TOP1: variants seen among roughly 807,000 people sequenced by gnomAD.
The protein encoded by TOP1 is DNA topoisomerase 1.
A neutral mutation model predicts 111.1 loss-of-function variants in TOP1; 10 were observed. That is an observed-to-expected ratio of 0.09 (90% CI 0.06 to 0.15). The LOEUF (loss-of-function observed/expected upper bound fraction) is 0.15, where lower values mean the gene tolerates loss of function less well. Among genes scored for constraint, TOP1 ranks in the 10% least tolerant of loss-of-function variants. The pLI is 1.00. For synonymous variants in TOP1, 271 were observed against 302.9 expected (o/e 0.89, Z 1.10); for missense variants, 474 against 926.7 (o/e 0.51, Z 6.34).
chr20:41,063,415 C>G (rs568043258), intron 3 of TOP1, among the ~76,000 whole-genome samples: 1 of 152,252 alleles, frequency 6.6e-6, no homozygotes, highest in East Asian at 1.9e-4. Context: ...GTACATGTGT[C>G]TTTTTAGTAA....
At chr20:41,089,767 G>A (rs529205438) in intron 8 of TOP1, among the ~76,000 whole-genome samples, 5 of 152,138 alleles carry the variant, frequency 3.3e-5, no homozygotes, top group South Asian at 2.1e-4. Flanking sequence ...AGGACCACAC[G>A]AGGGTGCTAG....
chr20:41,042,180 G>A (rs1402843444), intron 2 of TOP1, among the ~76,000 whole-genome samples: 1 of 152,168 alleles, frequency 6.6e-6, no homozygotes, highest in Non-Finnish European at 1.5e-5. Flanking sequence ...AAAGTGCTTA[G>A]ATTACAGTAG....
chr20:41,098,461 C>A lies in TOP1; in HGVS notation c.975+124C>A. On this transcript the variant is annotated intron_variant, in intron 11 of 20. Transcript: ENST00000361337. The surrounding 1 kb of genome is among the most constrained non-coding windows in gnomAD (Gnocchi z 5.7). ...ATTTCACATCATTCTATGCTAAAGACTTAGAGTTCTCAAAGTCTAAATTTT... is the reference window on the plus strand; with the variant it reads ...ATTTCACATCATTCTATGCTAAAGAATTAGAGTTCTCAAAGTCTAAATTTT... 1 of 1,114,424 alleles carries A rather than the reference C, an allele frequency of 9.0e-7. No homozygotes were observed. The highest frequency in any genetic ancestry group is 1.3e-6 in the Non-Finnish European group (1 of 790,338). 69.0% of individuals were successfully genotyped at this position (1,114,424 alleles called of 1,614,324 possible).
intron 14 of TOP1, among the ~76,000 whole-genome samples, chr20:41,113,723 A>AC (rs1219569627): frequency 2.0e-5 from 3 of 151,374 alleles, no homozygotes; most frequent in Admixed American, 6.6e-5. Flanking sequence ...TACAAAAAAA[A>AC]AAAAAAAAAT....
At chr20:41,060,650 T>C (rs2033533315) in intron 2 of TOP1, among the ~76,000 whole-genome samples, 2 of 152,188 alleles carry the variant, frequency 1.3e-5, no homozygotes, top group Admixed American at 6.5e-5. Flanking sequence ...TTGTAGGGGA[T>C]TGGTTCCAGG....
intron 13 of TOP1, among the ~76,000 whole-genome samples, chr20:41,104,545 CCAGT>C (rs1243208572): frequency 6.6e-6 from 1 of 152,170 alleles, no homozygotes; most frequent in East Asian, 1.9e-4. Flanking sequence ...GAGCAGAGAG[CCAGT>C]CAATTTTATT....
intron 3 of TOP1, among the ~76,000 whole-genome samples, chr20:41,075,317 G>A (rs995312860): frequency 3.3e-5 from 5 of 152,054 alleles, no homozygotes; most frequent in African/African-American, 7.2e-5. Flanking sequence ...GACTACAGGC[G>A]CCTGCCACCA....
intron 9 of TOP1, among the ~76,000 whole-genome samples, chr20:41,096,070 C>T (rs2145948185): frequency 6.6e-6 from 1 of 152,170 alleles, no homozygotes; most frequent in South Asian, 2.1e-4. Context: ...TCCCTTTAGA[C>T]AGCTTTTTGT....
intron 2 of TOP1, among the ~76,000 whole-genome samples, chr20:41,044,543 G>T (rs2033309606): frequency 6.6e-6 from 1 of 152,196 alleles, no homozygotes; most frequent in Admixed American, 6.5e-5. Flanking sequence ...CAGAGGTTCT[G>T]TGCAGAAGCA....
chr20:41,124,224 C>CA lies in TOP1; in HGVS notation c.*934dup, dbSNP rs560347910. 3.8e-4 allele frequency: 88 copies of CA among 231,492 alleles called. No homozygotes were observed. Among genetic ancestry groups the CA allele is most frequent in the African/African-American group, 1.8e-3 (81 of 44,970 alleles). The allele number at this position is 231,492 out of a possible 1,614,324, so 14.3% of individuals were successfully genotyped here. On this transcript the variant is annotated 3_prime_UTR_variant, in exon 21 of 21. Transcript: ENST00000361337. The surrounding 1 kb of genome is among the most constrained non-coding windows in gnomAD (Gnocchi z 5.4). The stretch of plus-strand genomic sequence containing the variant: ...CTTAGAGGAAAATGAGTATTTGGTC[C>CA]AAAAAAAGGAAAAATAATCAAGATT...
chr20:41,099,299 A>G (rs1244473841), intron 11 of TOP1, among the ~76,000 whole-genome samples: 1 of 152,188 alleles, frequency 6.6e-6, no homozygotes, highest in Non-Finnish European at 1.5e-5. Flanking sequence ...GAAATTTAGT[A>G]TATTATTTAC....
At chr20:41,088,626 G>T (rs1163551454) in intron 8 of TOP1, among the ~76,000 whole-genome samples, 2 of 152,136 alleles carry the variant, frequency 1.3e-5, no homozygotes, top group East Asian at 3.8e-4. Context: ...CTGCAGACAG[G>T]CTCCTTGCAG....
chr20:41,035,011 TC>T (rs2033167022), intron 2 of TOP1, among the ~76,000 whole-genome samples: 1 of 152,086 alleles, frequency 6.6e-6, no homozygotes, highest in Non-Finnish European at 1.5e-5. Flanking sequence ...TACCTCACCC[TC>T]CCAAGTAGCT....
chr20:41,100,667 T>G lies in TOP1; in HGVS notation c.1163+424T>G, dbSNP rs1261607344. The G allele has an allele frequency of 1.2e-5, 2 of 165,686 alleles. No individual in the cohort carries two copies. The highest frequency in any genetic ancestry group is 2.4e-5 in the African/African-American group (1 of 41,900). 10.3% of individuals were successfully genotyped at this position (165,686 alleles called of 1,614,324 possible). Reference sequence around the variant, plus strand: ...GAAGGTTAATTCTTACCTTAGATCTTAGCAACTTCACCATACAGTTTTTTT... The same window carrying G: ...GAAGGTTAATTCTTACCTTAGATCTGAGCAACTTCACCATACAGTTTTTTT... On this transcript the variant is annotated intron_variant, in intron 12 of 20. Coordinates refer to ENST00000361337, the MANE Select transcript of TOP1 (RefSeq NM_003286.4). This position sits in a 1 kb window ranked among gnomAD's most constrained non-coding sequence, Gnocchi z 4.4.
chr20:41,101,146 T>C lies in TOP1; in HGVS notation c.1164-63T>C. On this transcript the variant is annotated intron_variant, in intron 12 of 20. Coordinates refer to ENST00000361337, the MANE Select transcript of TOP1 (RefSeq NM_003286.4). This position sits in a 1 kb window ranked among gnomAD's most constrained non-coding sequence, Gnocchi z 4.1. ...GCTCAGCAGATAGGTCCACTTGGGG[T>C]CATGAAAGGTGAAATTATTCCTCAC... The C allele has an allele frequency of 6.3e-7, 1 of 1,577,106 alleles. No homozygotes were observed. The highest frequency in any genetic ancestry group is 1.1e-5 in the South Asian group (1 of 89,040).
rs2145965866 is a variant in TOP1, at chr20:41,114,063, C to A, written c.1546C>A (p.Pro516Thr). Residue 516 changes from proline (P) to threonine (T), a missense_variant, in exon 15 of 21, where the codon CCA becomes ACA. Coordinates refer to ENST00000361337, the MANE Select transcript of TOP1 (RefSeq NM_003286.4). The surrounding 1 kb of genome is among the most constrained non-coding windows in gnomAD (Gnocchi z 4.5). ...TCGTGTGGAGCACATCAATCTACAC[C>A]CAGAGTTGGATGGTCAGGAATATGT... is the stretch of plus-strand genomic sequence containing the variant. The part of the protein sequence containing the change: ...SLRVEHINLH[P>T]ELDGQEYVVE... 6.2e-7 allele frequency: 1 copy of A among 1,614,060 alleles called. No individual in the cohort carries two copies. Among genetic ancestry groups the A allele is most frequent in the South Asian group, 1.1e-5 (1 of 91,084 alleles).
In TOP1 at chr20:41,101,451, T is replaced by A; in HGVS notation, c.1308+98T>A. 7.7e-7 allele frequency: 1 copy of A among 1,300,322 alleles called. No homozygotes were observed. The highest frequency in any genetic ancestry group is 1.0e-6 in the Non-Finnish European group (1 of 960,526). 80.5% of individuals were successfully genotyped at this position (1,300,322 alleles called of 1,614,324 possible). A position where few individuals can be genotyped will look rare whatever the true frequency, so the allele number is the denominator to read the frequency against. The stretch of plus-strand genomic sequence containing the variant: ...GTCCTCTAGAATCACTTTGACAAAT[T>A]AAAAATCCTCCCCATTGAAAGAAGG... On this transcript the variant is annotated intron_variant, in intron 13 of 20. Coordinates refer to ENST00000361337, the MANE Select transcript of TOP1 (RefSeq NM_003286.4). The surrounding 1 kb of genome is among the most constrained non-coding windows in gnomAD (Gnocchi z 4.1).
At chr20:41,035,689 G>A (rs1342012920) in intron 2 of TOP1, among the ~76,000 whole-genome samples, 1 of 152,132 alleles carries the variant, frequency 6.6e-6, no homozygotes, top group Non-Finnish European at 1.5e-5. Context: ...ACTTTTCTTG[G>A]CTATTGGAGT....
In TOP1 at chr20:41,101,295, C is replaced by T. The variant is rs1295970079; in HGVS notation, c.1250C>T (p.Thr417Ile). Residue 417 changes from threonine (T) to isoleucine (I), a missense_variant, in exon 13 of 21, where the codon ACA becomes ATA. Physicochemically the swap from Thr to Ile is moderately conservative, Grantham distance 89. Around this residue, in one of 14 missense-constraint regions of TOP1, gnomAD observed 7 missense variants for 57.3 expected, o/e 0.12. Coordinates refer to ENST00000361337, the MANE Select transcript of TOP1 (RefSeq NM_003286.4). This position sits in a 1 kb window ranked among gnomAD's most constrained non-coding sequence, Gnocchi z 4.1. ...AAGGTTACTTGGCTGGTTTCCTGGA[C>T]AGAGAACATCCAAGGTTCCATTAAA... ...DNKVTWLVSW[T>I]ENIQGSIKYI... The T allele has an allele frequency of 6.2e-7, 1 of 1,614,166 alleles. No individual in the cohort carries two copies. Among genetic ancestry groups the T allele is most frequent in the Non-Finnish European group, 8.5e-7 (1 of 1,179,972 alleles).
Sources: allele counts gnomAD v4.1 joint callset (sites outside exome capture counted in the v4.1 genomes callset), GRCh38; gene constraint gnomAD v4.1.1; regional missense constraint gnomAD v4.1.1; non-coding constraint Gnocchi (gnomAD v3.1); transcripts MANE v1.5; gene names NCBI Gene and HGNC (gene_info 2026-07-23, HGNC 2026-07-21).